Variants in KCTD8 observed in about 807,000 individuals in gnomAD.
KCTD8 encodes the protein potassium channel tetramerization domain containing 8.
Under a neutral mutation model 31.5 loss-of-function variants are expected in KCTD8, and 27 were observed. That is an observed-to-expected ratio of 0.86 (90% CI 0.63 to 1.18). KCTD8 has a LOEUF of 1.18. Among genes scored for constraint, KCTD8 ranks in the 50% most tolerant of loss-of-function variants. KCTD8 has a pLI of 0.00. For missense variants in KCTD8, 658 were observed against 647.7 expected (o/e 1.02, Z -0.17); for synonymous variants, 290 against 280.0 (o/e 1.04, Z -0.36).
At chr4:44,178,587 C>G (rs993085820) in intron 1 of KCTD8, among the ~76,000 whole-genome samples, 1 of 152,028 alleles carries the variant, frequency 6.6e-6, no homozygotes, top group Non-Finnish European at 1.5e-5. Flanking sequence ...CTGCAAATAT[C>G]TAAGCAAAGC....
intron 1 of KCTD8, among the ~76,000 whole-genome samples, chr4:44,195,460 A>T (rs1222623794): frequency 3.3e-5 from 5 of 152,152 alleles, no homozygotes; most frequent in Non-Finnish European, 7.4e-5. Flanking sequence ...TGCAAGTGAA[A>T]CTGTAAGGTT....
chr4:44,448,487 T>C lies in KCTD8; in HGVS notation c.37A>G (p.Ile13Val), dbSNP rs1411095211. ...LKDTGSGGST[I>V]LPISEMVSSS... ...GAAACCATCTCGCTAATGGGCAGGA[T>C]GGTGCTGCCGCCGCTGCCCGTGTCC... The change falls in exon 1 of 2, where the codon ATC (isoleucine) becomes GTC (valine). Residue 13 changes from isoleucine (I) to valine (V), a missense_variant. By Grantham distance (29) the Ile-to-Val change is conservative (BLOSUM62 3). Coordinates refer to ENST00000360029, the MANE Select transcript of KCTD8 (RefSeq NM_198353.3). The surrounding 1 kb of genome is among the most constrained non-coding windows in gnomAD (Gnocchi z 4.1). The C allele has an allele frequency of 1.3e-6, 2 of 1,510,434 alleles. No homozygotes were observed. The highest frequency in any genetic ancestry group is 1.8e-6 in the Non-Finnish European group (2 of 1,136,052). The allele number at this position is 1,510,434 out of a possible 1,614,324, so 93.6% of individuals were successfully genotyped here.
At chr4:44,253,226 A>G (rs1280435078) in intron 1 of KCTD8, among the ~76,000 whole-genome samples, 1 of 151,744 alleles carries the variant, frequency 6.6e-6, no homozygotes, top group Non-Finnish European at 1.5e-5. Flanking sequence ...TTCTTGTTTA[A>G]TAAATTTTAT....
At chr4:44,280,949 A>G (rs934750918) in intron 1 of KCTD8, among the ~76,000 whole-genome samples, 1 of 152,098 alleles carries the variant, frequency 6.6e-6, no homozygotes, top group South Asian at 2.1e-4. Flanking sequence ...GGAGAGATAC[A>G]TATTCTTTGA....
intron 1 of KCTD8, among the ~76,000 whole-genome samples, chr4:44,323,352 T>C (rs543512290): frequency 6.6e-6 from 1 of 151,406 alleles, no homozygotes; most frequent in Non-Finnish European, 1.5e-5. Flanking sequence ...AAATTAGCCA[T>C]GTGTAGTGGC....
intron 1 of KCTD8, among the ~76,000 whole-genome samples, chr4:44,436,446 A>C (rs928994527): frequency 6.6e-6 from 1 of 152,070 alleles, no homozygotes; most frequent in Non-Finnish European, 1.5e-5. Context: ...AAAAGACATA[A>C]AAATAAGATT....
chr4:44,284,439 AC>A (rs1716997169), intron 1 of KCTD8, among the ~76,000 whole-genome samples: 1 of 152,138 alleles, frequency 6.6e-6, no homozygotes, highest in Non-Finnish European at 1.5e-5. Flanking sequence ...CTGAAACTGG[AC>A]CCCTTTCTTA....
intron 1 of KCTD8, among the ~76,000 whole-genome samples, chr4:44,269,550 T>G (rs1367283273): frequency 6.6e-6 from 1 of 151,678 alleles, no homozygotes; most frequent in Non-Finnish European, 1.5e-5. Context: ...GGGATCTAAT[T>G]AAACTAAAGA....
intron 1 of KCTD8, among the ~76,000 whole-genome samples, chr4:44,364,719 A>C (rs1001056357): frequency 6.6e-6 from 1 of 152,140 alleles, no homozygotes; most frequent in African/African-American, 2.4e-5. Flanking sequence ...ATTATTCAGC[A>C]ATAAAAAGAA....
chr4:44,407,790 C>A (rs1417930820), intron 1 of KCTD8, among the ~76,000 whole-genome samples: 8 of 152,142 alleles, frequency 5.3e-5, no homozygotes, highest in Non-Finnish European at 1.0e-4. Flanking sequence ...TTCAGCTTTC[C>A]AGTGTGTTAC....
chr4:44,392,016 T>C, intron 1 of KCTD8, among the ~76,000 whole-genome samples: 1 of 152,104 alleles, frequency 6.6e-6, no homozygotes, highest in African/African-American at 2.4e-5. Context: ...AGAAGACTCT[T>C]ACGGAGTCTT....
Position 44,448,228 on chromosome 4 carries a change from A to T in KCTD8, c.296T>A (p.Ile99Asn). The change falls in exon 1 of 2, where the codon ATC (isoleucine) becomes AAC (asparagine). Residue 99 changes from isoleucine (I) to asparagine (N), a missense_variant. Transcript: ENST00000360029. This position sits in a 1 kb window ranked among gnomAD's most constrained non-coding sequence, Gnocchi z 4.1. ...CCTGAAAAGGAAGCCGTCCCGGTCG[A>T]TGAAGAAGCGCGCCCGGCTGTCCCT... Reference protein sequence around the residue: ...LPRDSRARFFIDRDGFLFRYV... With the variant: ...LPRDSRARFFNDRDGFLFRYV... 1.2e-6 allele frequency: 2 copies of T among 1,611,846 alleles called. No homozygotes were observed. The highest frequency in any genetic ancestry group is 1.1e-5 in the South Asian group (1 of 90,952).
intron 1 of KCTD8, among the ~76,000 whole-genome samples, chr4:44,342,542 G>A (rs756499463): frequency 3.3e-5 from 5 of 152,090 alleles, no homozygotes; most frequent in Non-Finnish European, 7.4e-5. Context: ...AAGAGCTCTA[G>A]GATTTTCTGA....
chr4:44,384,483 C>A (rs983026820), intron 1 of KCTD8, among the ~76,000 whole-genome samples: 3 of 151,766 alleles, frequency 2.0e-5, no homozygotes, highest in Non-Finnish European at 2.9e-5. Context: ...ATTTGCAGCA[C>A]AATGGATAAG....
chr4:44,442,246 T>C (rs1028731500), intron 1 of KCTD8, among the ~76,000 whole-genome samples: 2 of 152,170 alleles, frequency 1.3e-5, no homozygotes, highest in African/African-American at 4.8e-5. Context: ...TTTAATCTTA[T>C]TTTTTGTAAT....
At chr4:44,403,152 C>T (rs757617097) in intron 1 of KCTD8, among the ~76,000 whole-genome samples, 11 of 152,160 alleles carry the variant, frequency 7.2e-5, no homozygotes, top group Admixed American at 6.5e-4. Context: ...CAATGCATCA[C>T]GTCCAATTAC....
chr4:44,225,650 C>T lies in KCTD8; in HGVS notation c.962-50400G>A, dbSNP rs141074378. ...ATGGTGATGATTAAAAAAAATAACC[C>T]TTGTGTTGGATTTCATTTTGAATTT... On this transcript the variant is annotated intron_variant, in intron 1 of 1. Coordinates refer to ENST00000360029, the MANE Select transcript of KCTD8 (RefSeq NM_198353.3). 3.8e-3 allele frequency among the ~76,000 whole-genome samples: 575 copies of T among 151,722 alleles called. 2 individuals carry two copies. Among genetic ancestry groups the T allele is most frequent in the African/African-American group, 0.013 (550 of 41,328 alleles).
intron 1 of KCTD8, among the ~76,000 whole-genome samples, chr4:44,362,624 G>C (rs888320721): frequency 1.3e-5 from 2 of 152,018 alleles, no homozygotes; most frequent in Non-Finnish European, 2.9e-5. Context: ...AGTTGAAATA[G>C]AAACCAGGGG....
intron 1 of KCTD8, among the ~76,000 whole-genome samples, chr4:44,412,435 G>A (rs1720984288): frequency 6.6e-6 from 1 of 152,148 alleles, no homozygotes; most frequent in Non-Finnish European, 1.5e-5. Flanking sequence ...CTATTCTGGT[G>A]AAGAAAGAAT....
Sources: gnomAD v4.1 joint callset for allele counts (sites outside exome capture counted in the v4.1 genomes callset) on GRCh38, gnomAD v4.1.1 for gene constraint, Gnocchi (gnomAD v3.1) non-coding constraint, MANE v1.5 for transcripts, NCBI Gene and HGNC (gene_info 2026-07-23, HGNC 2026-07-21) for gene names.